RBBP8NL: variants seen among roughly 807,000 people sequenced by gnomAD.
RBBP8NL encodes RBBP8 N-terminal like, also known as RBBP8 N-terminal-like protein.
A neutral mutation model predicts 62.2 loss-of-function variants in RBBP8NL; 59 were observed. The ratio of observed to expected loss-of-function variants is 0.95; its 90% CI spans 0.77 to 1.18. The LOEUF is 1.18. Ranked by LOEUF, RBBP8NL falls within the 50% of genes most tolerant of loss-of-function variation. The probability of loss-of-function intolerance (pLI) is 0.00; values close to 1 mark genes in which losing one functional copy is unlikely to be tolerated. For synonymous variants in RBBP8NL, 412 were observed against 394.1 expected (o/e 1.05, Z -0.54); for missense variants, 896 against 899.5 (o/e 1.00, Z 0.05).
In RBBP8NL at chr20:62,417,272, C is replaced by T. The variant is rs375692981; in HGVS notation, c.152G>A (p.Arg51Gln). Residue 51 changes from arginine (R) to glutamine (Q), a missense_variant, in exon 4 of 14, where the codon CGG becomes CAG. Arg to Gln is a conservative substitution (Grantham distance 43). Coordinates refer to ENST00000252998, the MANE Select transcript of RBBP8NL (RefSeq NM_080833.3). ...CTCCTTCAGTGTCTTCTGCTGTTCC[C>T]GGAGCTGGTGGTTCTTGGAGAAGAG... ...EELFSKNHQL[R>Q]EQQKTLKENL... is the part of the protein sequence containing the mutation. 164 of 1,606,274 alleles carry T rather than the reference C, an allele frequency of 1.0e-4. No individual in the cohort carries two copies. Among genetic ancestry groups the T allele is most frequent in the Admixed American group, 1.4e-4 (8 of 59,096 alleles).
At position 62,413,723 on chromosome 20, in the gene RBBP8NL, A is replaced by C. The variant is rs73319061; in HGVS notation, c.1530+98T>G. On this transcript the variant is annotated intron_variant, in intron 10 of 13. Coordinates refer to ENST00000252998, the MANE Select transcript of RBBP8NL (RefSeq NM_080833.3). ...CTCCCTGGGAAACAACTTGGTGGGCAGAGGGAAAAGAGCAGCCCGAGGTCT... is the reference window on the plus strand; with the variant it reads ...CTCCCTGGGAAACAACTTGGTGGGCCGAGGGAAAAGAGCAGCCCGAGGTCT... The C allele has an allele frequency of 3.5e-6, 5 of 1,444,020 alleles. No individual in the cohort carries two copies. In the African/African-American group the frequency reaches 7.1e-5, roughly 21 times the overall value. 89.5% of individuals were successfully genotyped at this position (1,444,020 alleles called of 1,614,324 possible).
In RBBP8NL at chr20:62,423,957, T is replaced by A. The variant is rs868212094; in HGVS notation, c.-84+3503A>T. On this transcript the variant is annotated intron_variant, in intron 1 of 13. Coordinates refer to ENST00000252998, the MANE Select transcript of RBBP8NL (RefSeq NM_080833.3). ...TCAGCCTTCTCTGGGTTTGTTGGGCTTGCCAAGGGCAGCTAGGGGTGCTGG... is the reference window on the plus strand; with the variant it reads ...TCAGCCTTCTCTGGGTTTGTTGGGCATGCCAAGGGCAGCTAGGGGTGCTGG... Among the ~76,000 whole-genome samples, 46 of 152,140 alleles carry A rather than the reference T, an allele frequency of 3.0e-4. 1 individual carries two copies. Among genetic ancestry groups the A allele is most frequent in the Admixed American group, 6.5e-4 (10 of 15,294 alleles).
chr20:62,419,533 G>A, intron 2 of RBBP8NL, 54 bp downstream of exon 2: 1 of 1,577,678 alleles, frequency 6.3e-7, no homozygotes, highest in African/African-American at 1.3e-5. Context: ...CCGACCCTTA[G>A]GTGAGGGCTG....
At chr20:62,420,578 C>T (rs951406739) in intron 1 of RBBP8NL, among the ~76,000 whole-genome samples, 8 of 152,180 alleles carry the variant, frequency 5.3e-5, no homozygotes, top group Admixed American at 5.2e-4. Flanking sequence ...TGCCCACACA[C>T]AACACACAGA....
chr20:62,414,925 C>G (rs368474418), intron 9 of RBBP8NL, among the ~76,000 whole-genome samples, 196 bp downstream of exon 9: 4 of 152,244 alleles, frequency 2.6e-5, no homozygotes, highest in African/African-American at 9.6e-5. Context: ...GTCCACATCC[C>G]CTGCCCCCAC....
At chr20:62,422,325 G>T (rs1299643257) in intron 1 of RBBP8NL, among the ~76,000 whole-genome samples, 1 of 151,892 alleles carries the variant, frequency 6.6e-6, no homozygotes, top group Non-Finnish European at 1.5e-5. Context: ...TCCCATGACG[G>T]GTGGAATATG....
chr20:62,417,426 G>A, intron 3 of RBBP8NL, 107 bp from the exon 4 acceptor site: 1 of 814,928 alleles, frequency 1.2e-6, no homozygotes, highest in Non-Finnish European at 1.9e-6. Context: ...CTGCAGCCTT[G>A]GTCTGGGGGC....
chr20:62,415,958 C>A lies in RBBP8NL; in HGVS notation c.387-13G>T. On this transcript the variant is annotated splice_polypyrimidine_tract_variant and intron_variant, in intron 6 of 13. Coordinates refer to ENST00000252998, the MANE Select transcript of RBBP8NL (RefSeq NM_080833.3). ...CTTGGGCCTGTCTCTAGAGGGGAGGCAGAGACAGGGAGGGTGAGGGAGAGC... is the reference window on the plus strand; with the variant it reads ...CTTGGGCCTGTCTCTAGAGGGGAGGAAGAGACAGGGAGGGTGAGGGAGAGC... 6.6e-7 allele frequency: 1 copy of A among 1,513,564 alleles called. No homozygotes were observed. The highest frequency in any genetic ancestry group is 2.1e-5 in the Admixed American group (1 of 48,296). 93.8% of individuals were successfully genotyped at this position (1,513,564 alleles called of 1,614,324 possible).
chr20:62,412,991 C>G, intron 11 of RBBP8NL, 91 bp from the exon 12 acceptor site: 1 of 1,432,754 alleles, frequency 7.0e-7, no homozygotes, highest in South Asian at 1.2e-5. Flanking sequence ...GCCAACTCTG[C>G]AGATGGGGAA....
intron 1 of RBBP8NL, among the ~76,000 whole-genome samples, chr20:62,421,862 G>T (rs1172446109): frequency 6.6e-6 from 1 of 151,190 alleles, no homozygotes; most frequent in Non-Finnish European, 1.5e-5. Flanking sequence ...TGTGTGCCAT[G>T]TGTGTGCATC....
At position 62,414,406 on chromosome 20, in the gene RBBP8NL, G is replaced by A. The variant is rs757405064; in HGVS notation, c.945C>T (p.Ser315=). ...SSPLAPAAAP[S]DPRLQDLKAR... ...CCTTCAGGTCCTGGAGCCGGGGGTC[G>A]CTGGGGGCTGCAGCAGGGGCCAGGG... Residue 315 remains serine (S), a synonymous_variant, in exon 10 of 14, where the codon AGC becomes AGT. Coordinates refer to ENST00000252998, the MANE Select transcript of RBBP8NL (RefSeq NM_080833.3). 13 of 1,533,728 alleles carry A rather than the reference G, an allele frequency of 8.5e-6. No individual in the cohort carries two copies. Among genetic ancestry groups the A allele is most frequent in the Non-Finnish European group, 1.1e-5 (13 of 1,133,684 alleles).
chr20:62,413,710 C>G, intron 10 of RBBP8NL, 111 bp downstream of exon 10: 3 of 1,437,566 alleles, frequency 2.1e-6, no homozygotes, highest in Non-Finnish European at 2.8e-6. Flanking sequence ...CCCTGGGAAA[C>G]AACTTGGTGG....
chr20:62,425,140 G>T (rs1601492604), intron 1 of RBBP8NL, among the ~76,000 whole-genome samples: 1 of 152,176 alleles, frequency 6.6e-6, no homozygotes, highest in East Asian at 1.9e-4. Context: ...CACAGGTAAT[G>T]CCTGTGTGGC....
In RBBP8NL at chr20:62,417,009, C is replaced by G. The variant is rs1344040197; in HGVS notation, c.201-137G>C. ...CGTAGAGCCCCAGGCCTCTTCCCAC[C>G]CCGTGGGCTAGGTGTCCCATGTTCC... On this transcript the variant is annotated intron_variant, in intron 4 of 13. Coordinates refer to ENST00000252998, the MANE Select transcript of RBBP8NL (RefSeq NM_080833.3). 5 of 757,182 alleles carry G rather than the reference C, an allele frequency of 6.6e-6. No homozygotes were observed. The Admixed American group carries it at 1.1e-4, about 17-fold the overall frequency. 46.9% of individuals were successfully genotyped at this position (757,182 alleles called of 1,614,324 possible). A position where few individuals can be genotyped will look rare whatever the true frequency, so the allele number is the denominator to read the frequency against.
Position 62,412,612 on chromosome 20 carries a change from T to C in RBBP8NL, c.1876+12A>G. On this transcript the variant is annotated intron_variant, in intron 13 of 13. Transcript: ENST00000252998. ...CGCCCCCTTCCCTGCACCTGCCCCA[T>C]GCCAGCTGTACCTTTGTCCCCAGGC... The C allele has an allele frequency of 6.2e-7, 1 of 1,601,744 alleles. No individual in the cohort carries two copies. Among genetic ancestry groups the C allele is most frequent in the East Asian group, 2.2e-5 (1 of 44,864 alleles).
rs138976003 is a variant in RBBP8NL at position 62,411,690 on chromosome 20, G to A, written c.1877-694C>T. 1.9e-3 allele frequency among the ~76,000 whole-genome samples: 295 copies of A among 152,358 alleles called. 1 individual carries two copies. The highest frequency in any genetic ancestry group is 6.4e-3 in the African/African-American group (267 of 41,586). On this transcript the variant is annotated intron_variant, in intron 13 of 13. Coordinates refer to ENST00000252998, the MANE Select transcript of RBBP8NL (RefSeq NM_080833.3). ...GGGCAGGGACCTGCTCTCACTGATC[G>A]CCACAGCAGTTTCTCAGGAGCCCCT...
At chr20:62,416,034 A>G in intron 6 of RBBP8NL, 89 bp from the exon 7 acceptor site, 3 of 1,465,770 alleles carry the variant, frequency 2.0e-6, no homozygotes, top group Non-Finnish European at 2.8e-6. Flanking sequence ...GGGTGACCCC[A>G]GGTGACGCAG....
chr20:62,418,465 C>A lies in RBBP8NL; in HGVS notation c.62G>T (p.Gly21Val), dbSNP rs777654331. Residue 21 changes from glycine to valine, a missense_variant and splice_region_variant, in exon 3 of 14, where the codon GGC (glycine) becomes GTC (valine). Transcript: ENST00000252998. ...LKEIHEKEVL[G>V]LQNKLLELNS... is the part of the protein sequence containing the mutation. ...CAGTTCCAGAAGCTTGTTCTGCAGGCCTGGGGGAGCAAGCAGAGGGGCGGG... is the reference window on the plus strand; with the variant it reads ...CAGTTCCAGAAGCTTGTTCTGCAGGACTGGGGGAGCAAGCAGAGGGGCGGG... The A allele has an allele frequency of 1.9e-6, 3 of 1,550,250 alleles. No homozygotes were observed. In the South Asian group the frequency reaches 3.6e-5, roughly 18 times the overall value.
chr20:62,415,148 G>A lies in RBBP8NL; in HGVS notation c.767C>T (p.Ala256Val), dbSNP rs1215134634. ...GTCCAGGGAGAGGCCACGCTCATAC[G>A]CTGGGCTGGGTGGGCTGCTCCTGGC... ...LPARSSPPSP[A>V]YERGLSLDSF... Residue 256 changes from alanine (A) to valine (V), a missense_variant, in exon 9 of 14, where the codon GCG (alanine) becomes GTG (valine). Transcript: ENST00000252998. 7 of 1,504,956 alleles carry A rather than the reference G, an allele frequency of 4.7e-6. No individual in the cohort carries two copies. The highest frequency in any genetic ancestry group is 1.8e-4 in the Middle Eastern group (1 of 5,666). 93.2% of individuals were successfully genotyped at this position (1,504,956 alleles called of 1,614,324 possible).
Sources: gnomAD v4.1 joint callset for allele counts (sites outside exome capture counted in the v4.1 genomes callset) on GRCh38, gnomAD v4.1.1 for gene constraint, MANE v1.5 for transcripts, NCBI Gene and HGNC (gene_info 2026-07-23, HGNC 2026-07-21) for gene names.